Variants in HERC4 observed in about 807,000 individuals in gnomAD.
HERC4 encodes the protein HECT and RLD domain containing E3 ubiquitin protein ligase 4, also known as probable E3 ubiquitin-protein ligase HERC4.
In HERC4, 28 loss-of-function variants were observed where a neutral mutation model predicts 124.3. The ratio of observed to expected loss-of-function variants is 0.23; its 90% confidence interval spans 0.17 to 0.31. HERC4 has a LOEUF of 0.31. Ranked by LOEUF, HERC4 falls within the 10% of genes least tolerant of loss-of-function variation. The pLI, the probability that HERC4 is intolerant of heterozygous loss-of-function variation, is 1.00. For synonymous variants in HERC4, 407 were observed against 421.5 expected (o/e 0.97, Z 0.42); for missense variants, 713 against 1,229.3 (o/e 0.58, Z 6.28).
chr10:68,035,938 T>C (rs1383001778), intron 5 of HERC4, among the ~76,000 whole-genome samples: 1 of 152,206 alleles, frequency 6.6e-6, no homozygotes, highest in Non-Finnish European at 1.5e-5. Context: ...CATTATTGAA[T>C]GACTATATCA....
Position 68,028,807 on chromosome 10 carries a change from G to A in HERC4, c.778-3131C>T, listed in dbSNP as rs2039038154. Among the ~76,000 whole-genome samples the A allele has an allele frequency of 5.3e-5, 8 of 152,250 alleles. No homozygotes were observed. In the South Asian group the frequency reaches 1.7e-3, roughly 32 times the overall value. On this transcript the variant is annotated intron_variant, in intron 7 of 24. Coordinates refer to ENST00000373700, the MANE Select transcript of HERC4 (RefSeq NM_015601.4). ...GCTGAAAATCATAGTTTATAATACA[G>A]TAAAATAACTACTTCTTTGCTTTCT...
chr10:68,005,337 CTGATA>C (rs1384570522), intron 9 of HERC4, among the ~76,000 whole-genome samples: 3 of 152,100 alleles, frequency 2.0e-5, no homozygotes, highest in Non-Finnish European at 2.9e-5. Flanking sequence ...TCTATTTTGT[CTGATA>C]TAAGTATAGC....
At chr10:68,047,416 T>C (rs2040068359) in intron 3 of HERC4, among the ~76,000 whole-genome samples, 1 of 152,056 alleles carries the variant, frequency 6.6e-6, no homozygotes, top group Non-Finnish European at 1.5e-5. Flanking sequence ...AAAAAATCTA[T>C]CAAGAGAGTA....
chr10:67,998,875 GA>G (rs2132896913), intron 9 of HERC4, among the ~76,000 whole-genome samples: 1 of 152,098 alleles, frequency 6.6e-6, no homozygotes, highest in South Asian at 2.1e-4. Flanking sequence ...GAGCAGCTGG[GA>G]CTACAGGTGT....
At chr10:68,047,670 A>G (rs1420351178) in intron 3 of HERC4, among the ~76,000 whole-genome samples, 2 of 152,196 alleles carry the variant, frequency 1.3e-5, no homozygotes, top group Non-Finnish European at 2.9e-5. Flanking sequence ...ATTACAATTT[A>G]AAACAACATA....
intron 8 of HERC4, among the ~76,000 whole-genome samples, chr10:68,020,605 T>C (rs1387723368): frequency 6.6e-6 from 1 of 151,550 alleles, no homozygotes; most frequent in East Asian, 1.9e-4. Context: ...CCGTCTCTAC[T>C]AAAAATACAA....
chr10:68,042,042 A>G (rs1392526056), intron 4 of HERC4, among the ~76,000 whole-genome samples: 1 of 151,984 alleles, frequency 6.6e-6, no homozygotes, highest in South Asian at 2.1e-4. Context: ...TTTGAGATGG[A>G]GTCTCGCTCT....
At chr10:67,953,163 G>A (rs1452525294) in intron 19 of HERC4, among the ~76,000 whole-genome samples, 1 of 152,084 alleles carries the variant, frequency 6.6e-6, no homozygotes, top group East Asian at 1.9e-4. Flanking sequence ...ATCTTATTTT[G>A]TAGATTTGAC....
At chr10:67,947,839 CTT>C (rs34189806) in intron 19 of HERC4, among the ~76,000 whole-genome samples, 225 of 107,296 alleles carry the variant, frequency 2.1e-3, no homozygotes, top group East Asian at 8.5e-3. Context: ...ACAATACACT[CTT>C]TTTTTTTTTT....
intron 16 of HERC4, among the ~76,000 whole-genome samples, chr10:67,959,508 GA>G (rs1196663879): frequency 1.3e-5 from 2 of 151,628 alleles, no homozygotes; most frequent in East Asian, 3.9e-4. Context: ...AAAAAAAATG[GA>G]AAAAACATTC....
chr10:68,022,811 T>C (rs1488761130), intron 8 of HERC4, among the ~76,000 whole-genome samples: 4 of 151,890 alleles, frequency 2.6e-5, no homozygotes, highest in Admixed American at 1.3e-4. Flanking sequence ...CTAGAATATA[T>C]AGAGAACTCT....
intron 23 of HERC4, among the ~76,000 whole-genome samples, chr10:67,927,417 TA>T (rs61136290): frequency 0.023 from 260 of 11,322 alleles, 23 homozygotes; most frequent in East Asian, 0.085. Context: ...TATATATATA[TA>T]TATATATATA....
Position 67,957,870 on chromosome 10 carries a change from C to T in HERC4, c.1927-894G>A, listed in dbSNP as rs536770455. Among the ~76,000 whole-genome samples, 4 of 152,168 alleles carry T rather than the reference C, an allele frequency of 2.6e-5. No individual in the cohort carries two copies. The South Asian group carries it at 6.2e-4, about 24-fold the overall frequency. ...ATGCCGGGGCTGGAGTGCAATGGTG[C>T]GATCTAGGCTCACGGCAACCTTCGC... On this transcript the variant is annotated intron_variant, in intron 16 of 24. Transcript: ENST00000373700.
chr10:67,990,993 C>T lies in HERC4; in HGVS notation c.1354G>A (p.Gly452Ser). 1 of 1,602,684 alleles carries T rather than the reference C, an allele frequency of 6.2e-7. No homozygotes were observed. The highest frequency in any genetic ancestry group is 8.5e-7 in the Non-Finnish European group (1 of 1,172,226). ...AVSNDDHYRT[G>S]TRFSGVDMNA... ...ATATCAACCCCTGAAAATCTGGTAC[C>T]TGTTCTATAGTGATCATCATTGCTA... Residue 452 changes from glycine (G) to serine (S), a missense_variant, in exon 13 of 25, where the codon GGT (glycine) becomes AGT (serine). By Grantham distance (56) the Gly-to-Ser change is moderately conservative (BLOSUM62 0). Transcript: ENST00000373700.
chr10:68,059,743 TATATTATA>T (rs1181933354), intron 3 of HERC4, among the ~76,000 whole-genome samples: 11 of 77,608 alleles, frequency 1.4e-4, no homozygotes, highest in East Asian at 1.1e-3. Context: ...CATAATATTA[TATATTATA>T]ATATTATATA....
intron 8 of HERC4, among the ~76,000 whole-genome samples, chr10:68,020,314 A>T (rs11817084): frequency 6.6e-6 from 1 of 152,184 alleles, no homozygotes; most frequent in Non-Finnish European, 1.5e-5. Context: ...ATATAAGCCA[A>T]CAATAGAAAC....
At chr10:68,067,244 A>G (rs1294836756) in intron 3 of HERC4, 1 of 152,602 alleles carries the variant, frequency 6.6e-6, no homozygotes, top group Non-Finnish European at 1.5e-5. Context: ...ATTATTATAC[A>G]TTTCTCTAAC....
intron 23 of HERC4, 37 bp downstream of exon 23, chr10:67,932,560 T>G: frequency 6.5e-7 from 1 of 1,541,486 alleles, no homozygotes; most frequent in Non-Finnish European, 8.8e-7. Context: ...ATATAAATCT[T>G]TCCATTTAAC....
At chr10:68,004,006 C>G (rs1489963424) in intron 9 of HERC4, among the ~76,000 whole-genome samples, 1 of 150,836 alleles carries the variant, frequency 6.6e-6, no homozygotes, top group Non-Finnish European at 1.5e-5. Context: ...ATATCCTTGC[C>G]AGCATGTTAT....
Sources: allele counts gnomAD v4.1 joint callset (sites outside exome capture counted in the v4.1 genomes callset), GRCh38; gene constraint gnomAD v4.1.1; transcripts MANE v1.5; gene names NCBI Gene and HGNC (gene_info 2026-07-23, HGNC 2026-07-21).